XPR1: variants seen among roughly 807,000 people sequenced by gnomAD.
XPR1 encodes the protein solute carrier family 53 member 1.
In XPR1, 28 loss-of-function variants were observed where a neutral mutation model predicts 87.5. The ratio of observed to expected loss-of-function variants is 0.32; its 90% CI spans 0.24 to 0.44. XPR1 has a LOEUF of 0.44. Ranked by LOEUF, XPR1 falls within the 20% of genes least tolerant of loss-of-function variation. XPR1 has a pLI of 1.00. For missense variants in XPR1, 559 were observed against 862.3 expected (o/e 0.65, Z 4.41); for synonymous variants, 300 against 306.1 (o/e 0.98, Z 0.21).
chr1:180,789,300 C>T lies in XPR1; in HGVS notation c.223+1446C>T, dbSNP rs181103401. Among the ~76,000 whole-genome samples the T allele has an allele frequency of 5.3e-5, 8 of 152,302 alleles. No homozygotes were observed. The East Asian group carries it at 1.2e-3, about 22-fold the overall frequency. ...AAATCTCTATCTTAATTTTTCATAT[C>T]ATGCTGGATGACTTCATTGTCCTTG... On this transcript the variant is annotated intron_variant, in intron 3 of 14. Transcript: ENST00000367590.
chr1:180,806,386 A>C, intron 5 of XPR1, 88 bp from the exon 6 acceptor site: 2 of 1,500,574 alleles, frequency 1.3e-6, no homozygotes, highest in Non-Finnish European at 1.8e-6. Context: ...AGTTGTCAGA[A>C]TATAATATAT....
Position 180,727,500 on chromosome 1 carries a change from C to G in XPR1, c.121+45089C>G, listed in dbSNP as rs568295513. ...CTCTACTAGAAATGCAAGAATTAGC[C>G]AGGCGTGGTGGCAGATGCCTGTAAT... is the stretch of plus-strand genomic sequence containing the variant. On this transcript the variant is annotated intron_variant, in intron 2 of 14. Transcript: ENST00000367590. Among the ~76,000 whole-genome samples the G allele has an allele frequency of 2.5e-4, 38 of 152,180 alleles. No individual in the cohort carries two copies. The South Asian group carries it at 4.4e-3, about 17-fold the overall frequency.
chr1:180,874,753 A>T (rs1652607764), intron 13 of XPR1, among the ~76,000 whole-genome samples: 1 of 152,180 alleles, frequency 6.6e-6, no homozygotes, highest in Admixed American at 6.6e-5. Flanking sequence ...AATCTAAATG[A>T]AAACAGGAGC....
At chr1:180,732,451 A>G (rs553873954) in intron 2 of XPR1, among the ~76,000 whole-genome samples, 3 of 152,320 alleles carry the variant, frequency 2.0e-5, no homozygotes, top group Admixed American at 6.5e-5. Context: ...CTTTAATTGA[A>G]TATTCCAGAA....
At chr1:180,813,402 A>G (rs1355086145) in intron 7 of XPR1, among the ~76,000 whole-genome samples, 1 of 152,154 alleles carries the variant, frequency 6.6e-6, no homozygotes, top group Non-Finnish European at 1.5e-5. Context: ...AAAATAATCT[A>G]TTCTGTCCCT....
Position 180,811,506 on chromosome 1 carries a change from T to G in XPR1, c.763+18T>G, listed in dbSNP as rs763532865. 1.3e-6 allele frequency: 2 copies of G among 1,593,142 alleles called. No homozygotes were observed. Among genetic ancestry groups the G allele is most frequent in the Admixed American group, 3.3e-5 (2 of 59,824 alleles). On this transcript the variant is annotated intron_variant, in intron 7 of 14. Transcript: ENST00000367590. ...GCTTGCCGGTAAGTAGTTTAAATTTTGAATTAATTTATTCTTACCAATATG... is the reference window on the plus strand; with the variant it reads ...GCTTGCCGGTAAGTAGTTTAAATTTGGAATTAATTTATTCTTACCAATATG...
At chr1:180,657,423 G>A (rs1655570774) in intron 1 of XPR1, among the ~76,000 whole-genome samples, 1 of 151,942 alleles carries the variant, frequency 6.6e-6, no homozygotes, top group Non-Finnish European at 1.5e-5. Flanking sequence ...CATAGGTTGA[G>A]GTTTTAGATT....
intron 1 of XPR1, among the ~76,000 whole-genome samples, chr1:180,673,619 A>T (rs1239923136): frequency 6.6e-6 from 1 of 152,156 alleles, no homozygotes; most frequent in African/African-American, 2.4e-5. Context: ...TCACATCAGC[A>T]ACGGCGTTAG....
chr1:180,873,976 C>G (rs1652584003), intron 13 of XPR1, 34 bp downstream of exon 13: 3 of 1,588,846 alleles, frequency 1.9e-6, no homozygotes, highest in Middle Eastern at 1.7e-4. Flanking sequence ...ATTAAAGATT[C>G]TTTTTAACCT....
chr1:180,848,804 A>C (rs1651774550), intron 11 of XPR1, among the ~76,000 whole-genome samples: 1 of 152,180 alleles, frequency 6.6e-6, no homozygotes, highest in South Asian at 2.1e-4. Flanking sequence ...AAGTCTTAAT[A>C]AAATGTTTGC....
chr1:180,721,385 A>G (rs1557973778), intron 2 of XPR1, among the ~76,000 whole-genome samples: 1 of 152,140 alleles, frequency 6.6e-6, no homozygotes, highest in Non-Finnish European at 1.5e-5. Flanking sequence ...TAGATTTGAC[A>G]GACTGTGGGT....
intron 7 of XPR1, among the ~76,000 whole-genome samples, chr1:180,819,977 G>A (rs1650563614): frequency 6.6e-6 from 1 of 151,348 alleles, no homozygotes; most frequent in Non-Finnish European, 1.5e-5. Context: ...CCAGGATCAT[G>A]CCATTGCACT....
At chr1:180,874,743 A>C (rs886259416) in intron 13 of XPR1, among the ~76,000 whole-genome samples, 1 of 152,124 alleles carries the variant, frequency 6.6e-6, no homozygotes, top group Non-Finnish European at 1.5e-5. Flanking sequence ...GATAATCCAA[A>C]ATCTAAATGA....
At chr1:180,680,418 T>C (rs1656533504) in intron 1 of XPR1, among the ~76,000 whole-genome samples, 1 of 134,758 alleles carries the variant, frequency 7.4e-6, no homozygotes. Context: ...CAGACTGGGA[T>C]GCAGTGGTGC....
At chr1:180,662,344 A>C (rs949680593) in intron 1 of XPR1, among the ~76,000 whole-genome samples, 1 of 152,122 alleles carries the variant, frequency 6.6e-6, no homozygotes, top group South Asian at 2.1e-4. Flanking sequence ...CTTTTATTTG[A>C]CCGGAAAAGG....
At chr1:180,728,311 G>A (rs111925656) in intron 2 of XPR1, among the ~76,000 whole-genome samples, 5,775 of 140,394 alleles carry the variant, frequency 0.041, 469 homozygotes, top group African/African-American at 0.15. Flanking sequence ...GGGGGGGGTA[G>A]TAATGAAAAC....
chr1:180,759,672 G>A lies in XPR1; in HGVS notation c.122-28081G>A, dbSNP rs372124445. 3.8e-4 allele frequency among the ~76,000 whole-genome samples: 58 copies of A among 151,972 alleles called. 1 individual carries two copies. The East Asian group carries it at 5.2e-3, about 14-fold the overall frequency. On this transcript the variant is annotated intron_variant, in intron 2 of 14. Coordinates refer to ENST00000367590, the MANE Select transcript of XPR1 (RefSeq NM_004736.4). ...CAGGACCAGATGGATTCACAGCCGA[G>A]TTCTACCAGAGGTACAAGGAGGAGC...
At chr1:180,666,325 AGATGTTTAG>A (rs1655961879) in intron 1 of XPR1, among the ~76,000 whole-genome samples, 2 of 152,194 alleles carry the variant, frequency 1.3e-5, no homozygotes, top group Non-Finnish European at 1.5e-5. Context: ...TCTGCAAGAA[AGATGTTTAG>A]GATTTCGATA....
intron 7 of XPR1, among the ~76,000 whole-genome samples, chr1:180,817,234 A>T (rs1650440803): frequency 4.6e-5 from 7 of 152,194 alleles, no homozygotes; most frequent in Admixed American, 4.6e-4. Flanking sequence ...AAGGTTTAAA[A>T]ATTTTTTAAG....
Sources: gnomAD v4.1 joint callset for allele counts (sites outside exome capture counted in the v4.1 genomes callset) on GRCh38, gnomAD v4.1.1 for gene constraint, MANE v1.5 for transcripts, NCBI Gene and HGNC (gene_info 2026-07-23, HGNC 2026-07-21) for gene names.